The following CACNA1C variants were observed in gnomAD, a reference collection of about 807,000 sequenced individuals.
CACNA1C encodes calcium voltage-gated channel subunit alpha1 C.
In CACNA1C, 30 loss-of-function variants were observed where a neutral mutation model predicts 229.0. The observed-to-expected ratio is 0.13, with a 90% CI of 0.10 to 0.18. CACNA1C has a LOEUF of 0.18. Ranked by LOEUF, CACNA1C falls within the 10% of genes least tolerant of loss-of-function variation. CACNA1C has a pLI of 1.00. For synonymous variants in CACNA1C, 1,114 were observed against 1,132.5 expected (o/e 0.98, Z 0.33); for missense variants, 1,658 against 2,845.0 (o/e 0.58, Z 9.49).
At chr12:2,177,266 T>C (rs2154273727) in intron 3 of CACNA1C, among the ~76,000 whole-genome samples, 2 of 152,312 alleles carry the variant, frequency 1.3e-5, no homozygotes, top group Non-Finnish European at 2.9e-5. Context: ...GTCAGGTAGC[T>C]GCTCCCGTTG....
intron 3 of CACNA1C, among the ~76,000 whole-genome samples, chr12:2,413,794 A>T (rs1019964180): frequency 6.6e-6 from 1 of 152,180 alleles, no homozygotes; most frequent in African/African-American, 2.4e-5. Flanking sequence ...CATTTAGGCC[A>T]TTGGAACTCT....
chr12:2,460,727 A>T (rs924183855), intron 5 of CACNA1C, among the ~76,000 whole-genome samples: 7 of 152,176 alleles, frequency 4.6e-5, no homozygotes, highest in African/African-American at 1.7e-4. Flanking sequence ...GCCATTAGAG[A>T]TGATGACACT....
At chr12:2,206,985 G>A (rs1162402893) in intron 3 of CACNA1C, among the ~76,000 whole-genome samples, 1 of 152,218 alleles carries the variant, frequency 6.6e-6, no homozygotes, top group South Asian at 2.1e-4. Flanking sequence ...TTAGTGAAAA[G>A]TCTTGAGTTA....
chr12:2,495,033 G>A (rs568007125), intron 7 of CACNA1C, among the ~76,000 whole-genome samples: 5 of 152,258 alleles, frequency 3.3e-5, no homozygotes, highest in Admixed American at 1.3e-4. Flanking sequence ...CCCATGCCGC[G>A]GCAAAGCTGC....
At chr12:2,480,365 A>G (rs888541720) in intron 5 of CACNA1C, among the ~76,000 whole-genome samples, 2 of 152,222 alleles carry the variant, frequency 1.3e-5, no homozygotes, top group African/African-American at 4.8e-5. Flanking sequence ...GCCTTTCTGC[A>G]GCCTCCATGC....
intron 38 of CACNA1C, among the ~76,000 whole-genome samples, chr12:2,669,776 G>T (rs1035549753): frequency 1.3e-5 from 2 of 152,188 alleles, no homozygotes; most frequent in Admixed American, 1.3e-4. Context: ...GACAGGTGAG[G>T]ATTCAGACCT....
chr12:2,363,692 T>C (rs2097641229), intron 3 of CACNA1C, among the ~76,000 whole-genome samples: 1 of 151,358 alleles, frequency 6.6e-6, no homozygotes, highest in Admixed American at 6.6e-5. Flanking sequence ...ACAATATGTG[T>C]GTGGGAGGTT....
intron 3 of CACNA1C, among the ~76,000 whole-genome samples, chr12:2,416,243 G>T (rs1194536275): frequency 2.6e-5 from 4 of 152,124 alleles, no homozygotes; most frequent in Admixed American, 1.3e-4. Context: ...TTCCTTTATG[G>T]CTCGCTTTCT....
rs2097023759 is a variant in CACNA1C, at chr12:2,679,637, G to A, written c.5285G>A (p.Gly1762Asp). ...TFTPSSYSST[G>D]SNANINNANN... ...ACCCCGAGCAGCTACTCGTCCACCGGCTCCAACGCCAACATCAACAACGCC... is the reference window on the plus strand; with the variant it reads ...ACCCCGAGCAGCTACTCGTCCACCGACTCCAACGCCAACATCAACAACGCC... The change falls in exon 42 of 47, where the codon GGC (glycine) becomes GAC (aspartate). Residue 1762 changes from glycine (G) to aspartate (D), a missense_variant. Coordinates refer to ENST00000399655, the MANE Select transcript of CACNA1C (RefSeq NM_000719.7). This position sits in a 1 kb window ranked among gnomAD's most constrained non-coding sequence, Gnocchi z 5.5. 1.2e-6 allele frequency: 2 copies of A among 1,613,866 alleles called. No homozygotes were observed. The highest frequency in any genetic ancestry group is 1.7e-6 in the Non-Finnish European group (2 of 1,179,842).
intron 8 of CACNA1C, among the ~76,000 whole-genome samples, chr12:2,510,310 G>A (rs545203560): frequency 2.2e-4 from 34 of 152,238 alleles, no homozygotes; most frequent in African/African-American, 7.5e-4. Context: ...ATCCTTTACC[G>A]TGGGAAACCT....
intron 3 of CACNA1C, among the ~76,000 whole-genome samples, chr12:2,158,371 T>C (rs2095655844): frequency 6.6e-6 from 1 of 151,768 alleles, no homozygotes; most frequent in African/African-American, 2.4e-5. Flanking sequence ...AGCTCAGGAG[T>C]TCGAGACCAG....
At chr12:2,227,108 G>A (rs1181434459) in intron 3 of CACNA1C, among the ~76,000 whole-genome samples, 1 of 152,104 alleles carries the variant, frequency 6.6e-6, no homozygotes, top group Non-Finnish European at 1.5e-5. Flanking sequence ...TCTGTTCCCT[G>A]CCCTCCCCTT....
intron 1 of CACNA1C, among the ~76,000 whole-genome samples, chr12:2,075,524 C>T (rs1167424466): frequency 2.0e-5 from 3 of 152,224 alleles, no homozygotes; most frequent in Non-Finnish European, 4.4e-5. Context: ...ACGTAGGCAG[C>T]TTGTTTTCTG....
chr12:2,674,479 C>T (rs1185664231), intron 38 of CACNA1C, 62 bp from the exon 39 acceptor site: 18 of 1,524,008 alleles, frequency 1.2e-5, no homozygotes, highest in East Asian at 1.0e-4. Flanking sequence ...TCCTACCTTA[C>T]GCAGAGGGAC....
chr12:2,612,922 C>T (rs534609313), intron 29 of CACNA1C: 2 of 152,344 alleles, frequency 1.3e-5, no homozygotes, highest in East Asian at 3.9e-4. Flanking sequence ...GGAACGAGTT[C>T]TAGGAGCATC....
In CACNA1C at chr12:2,646,751, TGAGAGAGAGAGAGAGAAA is replaced by T. The variant is rs1229929225; in HGVS notation, c.3913-1707_3913-1690del. Among the ~76,000 whole-genome samples the T allele has an allele frequency of 8.9e-6, 1 of 112,746 alleles. No individual in the cohort carries two copies. The highest frequency in any genetic ancestry group is 1.8e-5 in the Non-Finnish European group (1 of 56,524). The allele number at this position is 112,746 out of a possible 152,430, so 74.0% of individuals were successfully genotyped here. On this transcript the variant is annotated intron_variant, in intron 30 of 46. Coordinates refer to ENST00000399655, the MANE Select transcript of CACNA1C (RefSeq NM_000719.7). The surrounding 1 kb of genome is among the most constrained non-coding windows in gnomAD (Gnocchi z 4.6). ...GAAATTTCTTCTGTGCATGCCTGTA[TGAGAGAGAGAGAGAGAAA>T]GAGAGAGAGAGAGAGAGAGAGTGTG...
intron 3 of CACNA1C, among the ~76,000 whole-genome samples, chr12:2,148,285 G>A (rs751999420): frequency 3.3e-5 from 5 of 151,152 alleles, no homozygotes; most frequent in African/African-American, 7.3e-5. Flanking sequence ...TTGAAATATC[G>A]CACTGAAAAG....
chr12:2,661,270 TACACACACATACACAC>T (rs1488375114), intron 34 of CACNA1C, among the ~76,000 whole-genome samples: 94 of 131,262 alleles, frequency 7.2e-4, no homozygotes, highest in Middle Eastern at 8.1e-3. Flanking sequence ...TCTAAACACA[TACACACACATACACAC>T]ACACACACAC....
chr12:2,286,542 T>C (rs1295523218), intron 3 of CACNA1C, among the ~76,000 whole-genome samples: 1 of 152,176 alleles, frequency 6.6e-6, no homozygotes, highest in Non-Finnish European at 1.5e-5. Flanking sequence ...TAGTTCTGGC[T>C]TCGGGGCTTC....
Sources: gnomAD v4.1 joint callset for allele counts (sites outside exome capture counted in the v4.1 genomes callset) on GRCh38, gnomAD v4.1.1 for gene constraint, Gnocchi (gnomAD v3.1) non-coding constraint, MANE v1.5 for transcripts, NCBI Gene and HGNC (gene_info 2026-07-23, HGNC 2026-07-21) for gene names.